LHX4: variants seen among roughly 807,000 people sequenced by gnomAD.
LHX4 encodes the protein LIM/homeobox protein Lhx4.
Under a neutral mutation model 39.2 loss-of-function variants are expected in LHX4, and 16 were observed. The observed-to-expected ratio is 0.41, with a 90% confidence interval of 0.28 to 0.62. The LOEUF is 0.62. LHX4 is among the 20% of genes least tolerant of loss of function. The pLI is 0.33. For missense variants in LHX4, 439 were observed against 511.9 expected, an observed-to-expected ratio of 0.86 and a Z score of 1.37; for synonymous variants, 206 against 198.1, an observed-to-expected ratio of 1.04 and a Z score of -0.33.
chr1:180,231,587 C>T (rs1200318994), intron 1 of LHX4, among the ~76,000 whole-genome samples: 1 of 146,568 alleles, frequency 6.8e-6, no homozygotes, highest in Non-Finnish European at 1.5e-5. Flanking sequence ...CGACAAGCGC[C>T]GGGAGAGTCC....
At position 180,272,013 on chromosome 1, in the gene LHX4, A is replaced by G; in HGVS notation, c.778+7A>G. 1 of 1,610,250 alleles carries G rather than the reference A, an allele frequency of 6.2e-7. No individual in the cohort carries two copies. The highest frequency in any genetic ancestry group is 8.5e-7 in the Non-Finnish European group (1 of 1,178,604). On this transcript the variant is annotated splice_region_variant and intron_variant, in intron 5 of 5. Transcript: ENST00000263726. ...AGTGAGCTGAGCTTCCGAGGTGAGC[A>G]GGGCTGGAGGGGCCAGGCCGAGGCC...
In LHX4 at chr1:180,274,371, C is replaced by T. The variant is rs1218139531; in HGVS notation, c.965C>T (p.Ser322Phe). The T allele has an allele frequency of 1.3e-5, 21 of 1,614,234 alleles. No homozygotes were observed. Among genetic ancestry groups the T allele is most frequent in the Non-Finnish European group, 1.8e-5 (21 of 1,180,032 alleles). ...CCATCCTCCATATCGTCCCTGCCATCCCACGCTCCTTTGCTCAATGGGCTG... is the reference window on the plus strand; with the variant it reads ...CCATCCTCCATATCGTCCCTGCCATTCCACGCTCCTTTGCTCAATGGGCTG... ...QSPSSISSLP[S>F]HAPLLNGLDY... The change falls in exon 6 of 6, where the codon TCC becomes TTC. Residue 322 changes from serine (S) to phenylalanine (F), a missense_variant. Coordinates refer to ENST00000263726, the MANE Select transcript of LHX4 (RefSeq NM_033343.4).
intron 3 of LHX4, 101 bp from the exon 4 acceptor site, chr1:180,271,279 C>A: frequency 7.5e-7 from 1 of 1,324,818 alleles, no homozygotes; most frequent in Non-Finnish European, 1.1e-6. Flanking sequence ...CTGCCTACAG[C>A]AGGCAGGCTT....
Position 180,254,572 on chromosome 1 carries a change from G to A in LHX4, c.248+6116G>A, listed in dbSNP as rs976123838. 4.6e-5 allele frequency among the ~76,000 whole-genome samples: 7 copies of A among 152,224 alleles called. 2 individuals are homozygous for A. The highest frequency in any genetic ancestry group is 4.6e-4 in the Admixed American group (7 of 15,286). Reference sequence around the variant, plus strand: ...AGACAGGGCTTCACTGGTGACCTTAGCCCACTCTGGTGACCAGGGCCTCTG... The same window carrying A: ...AGACAGGGCTTCACTGGTGACCTTAACCCACTCTGGTGACCAGGGCCTCTG... On this transcript the variant is annotated intron_variant, in intron 2 of 5. Coordinates refer to ENST00000263726, the MANE Select transcript of LHX4 (RefSeq NM_033343.4).
Position 180,230,743 on chromosome 1 carries a change from G to A in LHX4, c.76+138G>A. 5.1e-6 allele frequency: 4 copies of A among 782,392 alleles called. No homozygotes were observed. The highest frequency in any genetic ancestry group is 4.5e-5 in the South Asian group (3 of 67,334). 48.5% of individuals were successfully genotyped at this position (782,392 alleles called of 1,614,324 possible). On this transcript the variant is annotated intron_variant, in intron 1 of 5. Coordinates refer to ENST00000263726, the MANE Select transcript of LHX4 (RefSeq NM_033343.4). The surrounding 1 kb of genome is among the most constrained non-coding windows in gnomAD (Gnocchi z 5.8). ...GCGCAGAGGCGGTCACAGGGCAGGG[G>A]CACCAGCCAGAGTGCGTTTGAGGGG...
At chr1:180,238,438 C>T (rs1348590179) in intron 1 of LHX4, among the ~76,000 whole-genome samples, 1 of 152,130 alleles carries the variant, frequency 6.6e-6, no homozygotes, top group Non-Finnish European at 1.5e-5. Flanking sequence ...GATAAAAAGA[C>T]GTGAGTACAC....
Position 180,266,632 on chromosome 1 carries a change from CTTTG to C in LHX4, c.451+43_451+46del, listed in dbSNP as rs1225879901. 7.5e-6 allele frequency: 12 copies of C among 1,598,924 alleles called. No homozygotes were observed. Among genetic ancestry groups the C allele is most frequent in the Middle Eastern group, 1.7e-4 (1 of 5,960 alleles). On this transcript the variant is annotated intron_variant, in intron 3 of 5. Coordinates refer to ENST00000263726, the MANE Select transcript of LHX4 (RefSeq NM_033343.4). The surrounding 1 kb of genome is among the most constrained non-coding windows in gnomAD (Gnocchi z 5.7). Reference sequence around the variant, plus strand: ...GCCCCGCATGGTCCCCTCTCCAGGCCTTTGTTTGGGCCACGCCCTCTGCCTGAGG... The same window carrying C: ...GCCCCGCATGGTCCCCTCTCCAGGCCTTTGGGCCACGCCCTCTGCCTGAGG...
intron 4 of LHX4, 32 bp from the exon 5 acceptor site, chr1:180,271,803 C>G (rs1377002947): frequency 6.2e-7 from 1 of 1,613,000 alleles, no homozygotes; most frequent in Non-Finnish European, 8.5e-7. Flanking sequence ...GGTGGACGCC[C>G]CCTGAGTATG....
At position 180,266,578 on chromosome 1, in the gene LHX4, G is replaced by T. The variant is rs143957546; in HGVS notation, c.435G>T (p.Glu145Asp). 1 of 1,614,064 alleles carries T rather than the reference G, an allele frequency of 6.2e-7. No homozygotes were observed. The highest frequency in any genetic ancestry group is 8.5e-7 in the Non-Finnish European group (1 of 1,179,992). ...DGRLVCKEDY[E>D]TAKQNDDSEA... ...GGCTGGTGTGCAAGGAAGACTACGA[G>T]ACAGCCAAGCAGAACGGTAAGCAGC... The change falls in exon 3 of 6, where the codon GAG (glutamate) becomes GAT (aspartate). Residue 145 changes from glutamate to aspartate, a missense_variant. Coordinates refer to ENST00000263726, the MANE Select transcript of LHX4 (RefSeq NM_033343.4). This position sits in a 1 kb window ranked among gnomAD's most constrained non-coding sequence, Gnocchi z 5.7.
chr1:180,243,236 G>A (rs1647237899), intron 1 of LHX4, among the ~76,000 whole-genome samples: 1 of 151,970 alleles, frequency 6.6e-6, no homozygotes. Context: ...TGATCTGCCT[G>A]TCTCGTCCTC....
intron 2 of LHX4, among the ~76,000 whole-genome samples, chr1:180,257,494 G>C (rs541914082): frequency 6.6e-6 from 1 of 152,166 alleles, no homozygotes; most frequent in Non-Finnish European, 1.5e-5. Context: ...TAGGACCCCC[G>C]TCTGTGTCTG....
intron 2 of LHX4, among the ~76,000 whole-genome samples, chr1:180,250,956 C>T (rs1647604982): frequency 3.3e-5 from 5 of 152,236 alleles, no homozygotes; most frequent in Admixed American, 1.3e-4. Flanking sequence ...GGGCCTTGCC[C>T]CTGGCTCCAC....
At position 180,266,268 on chromosome 1, in the gene LHX4, A is replaced by G; in HGVS notation, c.249-124A>G. The stretch of plus-strand genomic sequence containing the variant: ...AGGACCAGACGGTAAGCTCTGGGTG[A>G]CTGGGGGGTGAGGCTCATGGAGTCC... On this transcript the variant is annotated intron_variant, in intron 2 of 5. Transcript: ENST00000263726. The surrounding 1 kb of genome is among the most constrained non-coding windows in gnomAD (Gnocchi z 5.7). The G allele has an allele frequency of 3.4e-6, 3 of 882,220 alleles. No homozygotes were observed. The highest frequency in any genetic ancestry group is 5.6e-6 in the Non-Finnish European group (3 of 534,640). The allele number at this position is 882,220 out of a possible 1,614,324, so 54.6% of individuals were successfully genotyped here. A position where few individuals can be genotyped will look rare whatever the true frequency, so the allele number is the denominator to read the frequency against.
intron 5 of LHX4, chr1:180,272,532 T>G (rs749440735): frequency 1.9e-5 from 3 of 155,378 alleles, no homozygotes; most frequent in Non-Finnish European, 4.3e-5. Context: ...TCCCCACCAC[T>G]CACTTCATTC....
chr1:180,277,438 A>C lies in LHX4; in HGVS notation c.*2859A>C, dbSNP rs1649101176. The stretch of plus-strand genomic sequence containing the variant: ...CCTTCTAGAGGCAACCATTATCTGC[A>C]GTGCCTGGCTGGTCGACTTTAGAGT... On this transcript the variant is annotated 3_prime_UTR_variant, in exon 6 of 6. Transcript: ENST00000263726. The C allele has an allele frequency of 6.6e-6, 1 of 152,232 alleles. No homozygotes were observed. The highest frequency in any genetic ancestry group is 2.4e-5 in the African/African-American group (1 of 41,470). The allele number at this position is 152,232 out of a possible 1,614,324, so 9.4% of individuals were successfully genotyped here.
chr1:180,240,332 C>A (rs6656499), intron 1 of LHX4, among the ~76,000 whole-genome samples: 9,226 of 152,196 alleles, frequency 0.061, 430 homozygotes, highest in South Asian at 0.21. Context: ...CCGTGCCCGG[C>A]CTAAACATTC....
At position 180,232,779 on chromosome 1, in the gene LHX4, A is replaced by G. The variant is rs533092188; in HGVS notation, c.76+2174A>G. 3.9e-5 allele frequency among the ~76,000 whole-genome samples: 6 copies of G among 152,346 alleles called. No homozygotes were observed. In the South Asian group the frequency reaches 1.2e-3, roughly 32 times the overall value. On this transcript the variant is annotated intron_variant, in intron 1 of 5. Transcript: ENST00000263726. The surrounding 1 kb of genome is among the most constrained non-coding windows in gnomAD (Gnocchi z 5.4). ...ACCGCGGGATAGGTCCCCATCACCC[A>G]CATATACACAACTATTAGTTTTCTT... is the stretch of plus-strand genomic sequence containing the variant.
intron 1 of LHX4, among the ~76,000 whole-genome samples, chr1:180,237,484 G>T (rs1664351968): frequency 1.3e-5 from 2 of 152,200 alleles, no homozygotes; most frequent in East Asian, 1.9e-4. Flanking sequence ...GCTTTTGGGG[G>T]TAGGTGGACA....
upstream of LHX4, among the ~76,000 whole-genome samples, chr1:180,228,554 A>G (rs913819787): frequency 2.0e-5 from 3 of 152,150 alleles, no homozygotes; most frequent in Non-Finnish European, 4.4e-5. Context: ...CTTACTAGTT[A>G]TATTTCTATA....
Sources: gnomAD v4.1 joint callset for allele counts (sites outside exome capture counted in the v4.1 genomes callset) on GRCh38, gnomAD v4.1.1 for gene constraint, Gnocchi (gnomAD v3.1) non-coding constraint, MANE v1.5 for transcripts, NCBI Gene and HGNC (gene_info 2026-07-23, HGNC 2026-07-21) for gene names.